KHDRBS2: variants seen among roughly 807,000 people sequenced by gnomAD.
KHDRBS2 encodes KH domain-containing, RNA-binding, signal transduction-associated protein 2.
KHDRBS2 carries 26 observed loss-of-function variants against 44.3 expected under a neutral mutation model. That is an observed-to-expected ratio of 0.59 (90% CI 0.43 to 0.81). The LOEUF is 0.81. Ranked by LOEUF, KHDRBS2 falls within the 40% of genes least tolerant of loss-of-function variation. The probability of loss-of-function intolerance (pLI) is 0.00; values close to 1 mark genes in which losing one functional copy is unlikely to be tolerated. For synonymous variants in KHDRBS2, 194 were observed against 151.1 expected (o/e 1.28, Z -2.08); for missense variants, 476 against 433.1 (o/e 1.10, Z -0.88).
Position 61,848,547 on chromosome 6 carries a change from A to G in KHDRBS2, c.810+46088T>C, listed in dbSNP as rs1272156528. On this transcript the variant is annotated intron_variant, in intron 6 of 8. Transcript: ENST00000281156. ...TATATATATACATATATATGTATAT[A>G]TATACATATATATATGTATATATAT... is the stretch of plus-strand genomic sequence containing the variant. Among the ~76,000 whole-genome samples the G allele has an allele frequency of 3.5e-3, 186 of 52,644 alleles. 11 individuals carry two copies. The highest frequency in any genetic ancestry group is 4.7e-3 in the African/African-American group (25 of 5,338). The allele number at this position is 52,644 out of a possible 152,430, so 34.5% of individuals were successfully genotyped here.
intron 6 of KHDRBS2, among the ~76,000 whole-genome samples, chr6:61,787,785 A>G (rs898915272): frequency 6.6e-6 from 1 of 151,720 alleles, no homozygotes; most frequent in Non-Finnish European, 1.5e-5. Flanking sequence ...CTTGGAAATG[A>G]CAGTGTAATG....
intron 2 of KHDRBS2, among the ~76,000 whole-genome samples, chr6:62,099,571 G>A (rs1282701988): frequency 6.6e-6 from 1 of 152,144 alleles, no homozygotes; most frequent in African/African-American, 2.4e-5. Flanking sequence ...TAACCCACTT[G>A]GGTCAGGAAC....
Position 62,286,015 on chromosome 6 carries a change from T to G in KHDRBS2, c.-67A>C, listed in dbSNP as rs16883133. 160,349 of 967,092 alleles carry G rather than the reference T, an allele frequency of 0.17. 16,863 individuals are homozygous for G. Among genetic ancestry groups the G allele is most frequent in the African/African-American group, 0.44 (27,589 of 62,018 alleles). The allele number at this position is 967,092 out of a possible 1,614,324, so 59.9% of individuals were successfully genotyped here. On this transcript the variant is annotated 5_prime_UTR_variant, in exon 1 of 9. Transcript: ENST00000281156. The stretch of plus-strand genomic sequence containing the variant: ...CGCTCGCTCGGACGCAGGCAGGGTC[T>G]TGGGGCAGCGCCTGGCTCCCGCGCT...
chr6:61,571,450 A>G, the KHDRBS2 span, among the ~76,000 whole-genome samples: 1 of 152,240 alleles, frequency 6.6e-6, no homozygotes, highest in South Asian at 2.1e-4. Context: ...TAAATGAAAT[A>G]AATGGCAATG....
At chr6:61,603,754 T>A in the KHDRBS2 span, among the ~76,000 whole-genome samples, 2 of 152,306 alleles carry the variant, frequency 1.3e-5, no homozygotes, top group Non-Finnish European at 2.9e-5. Context: ...ATACTCACTC[T>A]TTGTTGAGCC....
intron 6 of KHDRBS2, among the ~76,000 whole-genome samples, chr6:61,790,416 A>C (rs1288439361): frequency 6.6e-6 from 1 of 151,326 alleles, no homozygotes. Context: ...TTAAAAAAAA[A>C]AAAAAACAGC....
At chr6:62,049,445 G>A (rs1788483212) in intron 2 of KHDRBS2, among the ~76,000 whole-genome samples, 1 of 151,402 alleles carries the variant, frequency 6.6e-6, no homozygotes, top group Non-Finnish European at 1.5e-5. Flanking sequence ...AAAAACCTTT[G>A]TGAACCTAGG....
intron 2 of KHDRBS2, among the ~76,000 whole-genome samples, chr6:62,132,106 A>T (rs1453919253): frequency 1.3e-5 from 2 of 152,196 alleles, no homozygotes; most frequent in South Asian, 4.1e-4. Flanking sequence ...GTAATCAAAA[A>T]TACTTCCAAA....
At chr6:61,892,510 G>T (rs1483504821) in intron 6 of KHDRBS2, among the ~76,000 whole-genome samples, 3 of 152,030 alleles carry the variant, frequency 2.0e-5, no homozygotes, top group Non-Finnish European at 4.4e-5. Context: ...TATACTACAA[G>T]GCTACAGTAA....
intron 3 of KHDRBS2, among the ~76,000 whole-genome samples, chr6:61,993,673 A>ATTTT (rs200474893): frequency 5.2e-5 from 6 of 115,694 alleles, no homozygotes; most frequent in African/African-American, 1.9e-4. Flanking sequence ...ATATATATAT[A>ATTTT]TTTTTTTTTT....
chr6:62,253,863 T>C (rs1585438234), intron 1 of KHDRBS2, among the ~76,000 whole-genome samples: 1 of 152,108 alleles, frequency 6.6e-6, no homozygotes, highest in East Asian at 1.9e-4. Flanking sequence ...ATTTTGCTAT[T>C]TCTGGTATAA....
the KHDRBS2 span, among the ~76,000 whole-genome samples, chr6:61,613,780 G>C: frequency 7.0e-6 from 1 of 143,672 alleles, no homozygotes; most frequent in African/African-American, 2.6e-5. Context: ...TTGTAAATGG[G>C]AGATGTTTGG....
intron 6 of KHDRBS2, among the ~76,000 whole-genome samples, chr6:61,874,950 A>G (rs1799206288): frequency 6.6e-6 from 1 of 152,148 alleles, no homozygotes; most frequent in Non-Finnish European, 1.5e-5. Flanking sequence ...TATTTGCAAA[A>G]CAATATAGAA....
At chr6:62,261,553 T>G (rs1838348312) in intron 1 of KHDRBS2, among the ~76,000 whole-genome samples, 1 of 151,878 alleles carries the variant, frequency 6.6e-6, no homozygotes, top group South Asian at 2.1e-4. Context: ...TAAATAAGCT[T>G]CTAAATAAGA....
intron 3 of KHDRBS2, among the ~76,000 whole-genome samples, chr6:62,046,180 G>C (rs1248904041): frequency 6.6e-6 from 1 of 151,890 alleles, no homozygotes; most frequent in Non-Finnish European, 1.5e-5. Context: ...AAACTTAATA[G>C]AAGCAAATTT....
intron 8 of KHDRBS2, among the ~76,000 whole-genome samples, chr6:61,688,296 A>C (rs1186382483): frequency 3.3e-5 from 5 of 151,912 alleles, no homozygotes; most frequent in Non-Finnish European, 7.4e-5. Context: ...AAAATGGTGA[A>C]TGATAATTTG....
chr6:62,060,839 T>C (rs1196911506), intron 2 of KHDRBS2, among the ~76,000 whole-genome samples: 1 of 151,856 alleles, frequency 6.6e-6, no homozygotes, highest in East Asian at 1.9e-4. Flanking sequence ...TCCTTTCAAA[T>C]CTGTTGATTA....
At chr6:62,208,801 G>A (rs1243702198) in intron 1 of KHDRBS2, among the ~76,000 whole-genome samples, 1 of 152,132 alleles carries the variant, frequency 6.6e-6, no homozygotes, top group Non-Finnish European at 1.5e-5. Flanking sequence ...GTATCTGATA[G>A]TGGTTTCAAC....
chr6:61,751,568 A>G (rs769421199), intron 6 of KHDRBS2, among the ~76,000 whole-genome samples: 1 of 152,160 alleles, frequency 6.6e-6, no homozygotes, highest in Non-Finnish European at 1.5e-5. Context: ...AGTCCTTCAC[A>G]TTTTCACTTA....
Sources: allele counts gnomAD v4.1 joint callset (sites outside exome capture counted in the v4.1 genomes callset), GRCh38; gene constraint gnomAD v4.1.1; transcripts MANE v1.5; gene names NCBI Gene and HGNC (gene_info 2026-07-23, HGNC 2026-07-21).